The following SNTG1 variants were observed in gnomAD, a reference collection of about 807,000 sequenced individuals.
The protein encoded by SNTG1 is syntrophin gamma 1, also known as gamma-1-syntrophin.
A neutral mutation model predicts 74.7 loss-of-function variants in SNTG1; 39 were observed. The ratio of observed to expected loss-of-function variants is 0.52; its 90% confidence interval spans 0.40 to 0.68. SNTG1 has a LOEUF of 0.68. Among genes scored for constraint, SNTG1 ranks in the 30% least tolerant of loss-of-function variants. SNTG1 has a pLI of 0.00. For synonymous variants in SNTG1, 254 were observed against 217.1 expected (o/e 1.17, Z -1.49); for missense variants, 685 against 609.5 (o/e 1.12, Z -1.30).
intron 2 of SNTG1, among the ~76,000 whole-genome samples, chr8:50,263,443 A>G (rs2087298583): frequency 6.6e-6 from 1 of 152,130 alleles, no homozygotes; most frequent in Non-Finnish European, 1.5e-5. Context: ...TATTATGAAA[A>G]TTAATTGAAA....
intron 12 of SNTG1, among the ~76,000 whole-genome samples, chr8:50,587,885 G>T (rs1404849682): frequency 6.6e-6 from 1 of 152,058 alleles, no homozygotes; most frequent in Non-Finnish European, 1.5e-5. Flanking sequence ...GCCGAGGCGG[G>T]CGGATCACGA....
At chr8:50,404,839 A>G (rs2092851461) in intron 4 of SNTG1, among the ~76,000 whole-genome samples, 1 of 151,972 alleles carries the variant, frequency 6.6e-6, no homozygotes, top group Admixed American at 6.6e-5. Context: ...CCTGGTAACC[A>G]CTGTTCTACT....
At chr8:50,403,136 C>T (rs763298457) in intron 4 of SNTG1, among the ~76,000 whole-genome samples, 23 of 152,208 alleles carry the variant, frequency 1.5e-4, no homozygotes, top group Non-Finnish European at 4.4e-5. Context: ...AAGAAAATTA[C>T]AGACAGTAGC....
chr8:50,355,889 C>T (rs1162985790), intron 2 of SNTG1, among the ~76,000 whole-genome samples: 1 of 152,136 alleles, frequency 6.6e-6, no homozygotes, highest in Admixed American at 6.5e-5. Flanking sequence ...TTAGACTGAG[C>T]TGATTCCAGT....
intron 17 of SNTG1, among the ~76,000 whole-genome samples, chr8:50,710,723 A>T (rs571900792): frequency 2.0e-5 from 3 of 152,340 alleles, no homozygotes; most frequent in African/African-American, 7.2e-5. Context: ...CCTATCTGAC[A>T]TTCCTGTCTA....
intron 2 of SNTG1, among the ~76,000 whole-genome samples, chr8:50,358,837 A>G (rs1587300403): frequency 6.6e-6 from 1 of 152,234 alleles, no homozygotes; most frequent in Non-Finnish European, 1.5e-5. Context: ...ATTCAAGTTC[A>G]GACCATCATC....
intron 1 of SNTG1, among the ~76,000 whole-genome samples, chr8:50,007,973 C>T (rs1054366711): frequency 4.6e-5 from 7 of 151,982 alleles, no homozygotes; most frequent in African/African-American, 1.7e-4. Context: ...ACTTTTAAAA[C>T]CATCAGATTT....
intron 15 of SNTG1, among the ~76,000 whole-genome samples, chr8:50,676,000 A>C (rs1384922583): frequency 6.6e-6 from 1 of 151,940 alleles, no homozygotes; most frequent in Non-Finnish European, 1.5e-5. Context: ...TGAGAGATCC[A>C]CTGTTAGTCT....
Position 50,745,003 on chromosome 8 carries a change from T to G in SNTG1, c.1285-6998T>G, listed in dbSNP as rs150180308. Among the ~76,000 whole-genome samples, 36 of 152,040 alleles carry G rather than the reference T, an allele frequency of 2.4e-4. No homozygotes were observed. In the East Asian group the frequency reaches 5.8e-3, roughly 25 times the overall value. On this transcript the variant is annotated intron_variant, in intron 17 of 18. Coordinates refer to ENST00000642720, the MANE Select transcript of SNTG1 (RefSeq NM_018967.5). ...TACTTTAAATTTGGCAATAATTTCT[T>G]TGCTATGACGCCGAAAGCTCAGGCA...
intron 17 of SNTG1, among the ~76,000 whole-genome samples, chr8:50,738,890 T>C (rs763991128): frequency 6.6e-6 from 1 of 152,050 alleles, no homozygotes; most frequent in Non-Finnish European, 1.5e-5. Flanking sequence ...ACCCCCTTTT[T>C]ACACCTTATA....
intron 13 of SNTG1, among the ~76,000 whole-genome samples, chr8:50,654,058 T>A (rs717511): frequency 6.6e-6 from 1 of 152,022 alleles, no homozygotes; most frequent in Non-Finnish European, 1.5e-5. Context: ...AGTGCCTTGG[T>A]GTGCTTATAT....
chr8:50,496,730 C>T (rs72642401), intron 8 of SNTG1, among the ~76,000 whole-genome samples: 1 of 151,906 alleles, frequency 6.6e-6, no homozygotes, highest in Non-Finnish European at 1.5e-5. Flanking sequence ...TTTATCAACC[C>T]TCTTGCTTGG....
At chr8:49,962,517 C>A (rs1303755797) in intron 1 of SNTG1, among the ~76,000 whole-genome samples, 2 of 151,874 alleles carry the variant, frequency 1.3e-5, no homozygotes, top group South Asian at 2.1e-4. Context: ...CTCTGTGCTG[C>A]CACTCAAGGC....
intron 2 of SNTG1, among the ~76,000 whole-genome samples, chr8:50,207,546 T>C (rs931240230): frequency 6.6e-6 from 1 of 152,104 alleles, no homozygotes; most frequent in Non-Finnish European, 1.5e-5. Flanking sequence ...TTTGAAGGGT[T>C]TTTTTGTGTC....
intron 9 of SNTG1, among the ~76,000 whole-genome samples, chr8:50,515,963 C>T (rs765458073): frequency 1.3e-5 from 2 of 152,190 alleles, no homozygotes; most frequent in Non-Finnish European, 2.9e-5. Flanking sequence ...CAGATTCCCT[C>T]CTCAAGTGGG....
At chr8:50,267,731 C>T (rs1030232524) in intron 2 of SNTG1, among the ~76,000 whole-genome samples, 14 of 152,028 alleles carry the variant, frequency 9.2e-5, no homozygotes, top group Non-Finnish European at 1.8e-4. Context: ...ATGCAGAAAG[C>T]ACATTTGACA....
intron 10 of SNTG1, among the ~76,000 whole-genome samples, chr8:50,533,995 C>G (rs1234542026): frequency 6.6e-6 from 1 of 151,958 alleles, no homozygotes; most frequent in Non-Finnish European, 1.5e-5. Context: ...TGAAGAAACA[C>G]AAAATTTGAA....
At chr8:50,532,846 C>T (rs561142443) in intron 10 of SNTG1, among the ~76,000 whole-genome samples, 1 of 152,250 alleles carries the variant, frequency 6.6e-6, no homozygotes, top group African/African-American at 2.4e-5. Context: ...ATTTGATTTT[C>T]TGATGTGTGT....
At chr8:50,247,491 A>G (rs927573337) in intron 2 of SNTG1, among the ~76,000 whole-genome samples, 1 of 152,074 alleles carries the variant, frequency 6.6e-6, no homozygotes, top group Non-Finnish European at 1.5e-5. Context: ...TTTGGTGCAA[A>G]AAAATTGAAA....
Sources: allele counts gnomAD v4.1 joint callset (sites outside exome capture counted in the v4.1 genomes callset), GRCh38; gene constraint gnomAD v4.1.1; transcripts MANE v1.5; gene names NCBI Gene and HGNC (gene_info 2026-07-23, HGNC 2026-07-21).